Variants in UNC13C observed in about 807,000 individuals in gnomAD.
The protein encoded by UNC13C is unc-13 homolog C.
Under a neutral mutation model 245.4 loss-of-function variants are expected in UNC13C, and 174 were observed. The observed-to-expected ratio is 0.71, with a 90% CI of 0.63 to 0.80. UNC13C has a LOEUF of 0.80. Among genes scored for constraint, UNC13C ranks in the 30% least tolerant of loss-of-function variants. UNC13C has a pLI of 0.00. For missense variants in UNC13C, 2,829 were observed against 2,602.9 expected (o/e 1.09, Z -1.89); for synonymous variants, 992 against 895.1 (o/e 1.11, Z -1.93).
At chr15:53,907,697 A>G in the UNC13C span, among the ~76,000 whole-genome samples, 2 of 152,208 alleles carry the variant, frequency 1.3e-5, no homozygotes, top group African/African-American at 4.8e-5. Context: ...GAACTTTATA[A>G]ATAAAAGTCA....
chr15:54,448,093 T>A (rs887394878), intron 19 of UNC13C, among the ~76,000 whole-genome samples: 10 of 152,294 alleles, frequency 6.6e-5, no homozygotes, highest in East Asian at 5.8e-4. Context: ...TTTGAGTGAG[T>A]TTCTTAATCC....
At chr15:54,531,604 C>G (rs921555598) in intron 25 of UNC13C, among the ~76,000 whole-genome samples, 2 of 151,192 alleles carry the variant, frequency 1.3e-5, no homozygotes, top group Non-Finnish European at 2.9e-5. Flanking sequence ...GTCACAGAAT[C>G]CAAATGAAGA....
intron 4 of UNC13C, among the ~76,000 whole-genome samples, chr15:54,163,503 A>G (rs2033053655): frequency 6.6e-6 from 1 of 152,144 alleles, no homozygotes; most frequent in South Asian, 2.1e-4. Flanking sequence ...TGTCTAAATC[A>G]TTTTTAAACT....
chr15:54,189,492 A>G (rs890848260), intron 4 of UNC13C, among the ~76,000 whole-genome samples: 29 of 152,178 alleles, frequency 1.9e-4, no homozygotes, highest in Admixed American at 7.9e-4. Flanking sequence ...AACTACTTCA[A>G]TAGAAGTTCT....
intron 10 of UNC13C, among the ~76,000 whole-genome samples, chr15:54,293,291 T>C (rs966232247): frequency 7.9e-5 from 12 of 151,916 alleles, no homozygotes; most frequent in Non-Finnish European, 1.6e-4. Context: ...GTGTAGGCAA[T>C]ACTAAGTAGC....
At chr15:54,255,235 G>T (rs1481947995) in intron 8 of UNC13C, among the ~76,000 whole-genome samples, 1 of 152,156 alleles carries the variant, frequency 6.6e-6, no homozygotes, top group Admixed American at 6.5e-5. Context: ...AGGGCTTTCT[G>T]TATCCCAGGG....
chr15:54,142,877 T>G, intron 2 of UNC13C, 141 bp from the exon 3 acceptor site: 1 of 703,536 alleles, frequency 1.4e-6, no homozygotes, highest in South Asian at 1.9e-5. Flanking sequence ...CTTGTACCCT[T>G]GGGCTCAACC....
At chr15:54,543,154 A>T (rs1220700065) in intron 26 of UNC13C, among the ~76,000 whole-genome samples, 2 of 152,000 alleles carry the variant, frequency 1.3e-5, no homozygotes, top group African/African-American at 2.4e-5. Context: ...TCCTTTCCAC[A>T]TTTACTGGTT....
chr15:54,592,476 C>G (rs1355236845), intron 30 of UNC13C, among the ~76,000 whole-genome samples: 3 of 152,140 alleles, frequency 2.0e-5, no homozygotes, highest in African/African-American at 7.2e-5. Context: ...ATTGGGAGCT[C>G]CAGTGTTAGC....
At chr15:53,918,157 C>G in the UNC13C span, among the ~76,000 whole-genome samples, 1 of 152,164 alleles carries the variant, frequency 6.6e-6, no homozygotes, top group African/African-American at 2.4e-5. Flanking sequence ...ACTTTCAACC[C>G]TTTCTTCCCC....
At chr15:54,317,670 A>G (rs1159707551) in intron 13 of UNC13C, among the ~76,000 whole-genome samples, 1 of 152,008 alleles carries the variant, frequency 6.6e-6, no homozygotes, top group African/African-American at 2.4e-5. Flanking sequence ...TGAGGCACAT[A>G]TACTCTGTGG....
chr15:54,569,924 C>T (rs62023986), intron 30 of UNC13C, among the ~76,000 whole-genome samples: 8,317 of 151,980 alleles, frequency 0.055, 355 homozygotes, highest in Admixed American at 0.13. Context: ...CCCTCCTATC[C>T]ACCCTCGCCC....
At chr15:54,185,603 G>A (rs1301286136) in intron 4 of UNC13C, among the ~76,000 whole-genome samples, 1 of 148,474 alleles carries the variant, frequency 6.7e-6, no homozygotes, top group Non-Finnish European at 1.5e-5. Flanking sequence ...TTATTTCTGA[G>A]GGCTCTGTTC....
intron 24 of UNC13C, among the ~76,000 whole-genome samples, chr15:54,524,765 G>A (rs1895372834): frequency 6.6e-6 from 1 of 152,050 alleles, no homozygotes; most frequent in Non-Finnish European, 1.5e-5. Context: ...CCCCAAACTT[G>A]GCTTTATCCT....
chr15:54,140,776 C>T (rs1360591561), intron 2 of UNC13C, among the ~76,000 whole-genome samples: 7 of 152,124 alleles, frequency 4.6e-5, no homozygotes, highest in South Asian at 2.1e-4. Flanking sequence ...TCGCATTTCA[C>T]ATGGATTTTA....
intron 19 of UNC13C, among the ~76,000 whole-genome samples, chr15:54,431,824 G>A (rs2040879229): frequency 6.6e-6 from 1 of 151,532 alleles, no homozygotes; most frequent in South Asian, 2.1e-4. Flanking sequence ...CTACTGCACA[G>A]ATTCTTTCTA....
At chr15:53,969,342 G>C in the UNC13C span, among the ~76,000 whole-genome samples, 23 of 152,230 alleles carry the variant, frequency 1.5e-4, no homozygotes, top group Middle Eastern at 0.017. Flanking sequence ...TCTAACTCAA[G>C]CAGGAATTTG....
intron 4 of UNC13C, among the ~76,000 whole-genome samples, chr15:54,181,093 T>C (rs908628898): frequency 1.3e-5 from 2 of 151,920 alleles, no homozygotes; most frequent in African/African-American, 2.4e-5. Context: ...GAATGGTGTT[T>C]TCTATGTTTT....
At position 54,169,829 on chromosome 15, in the gene UNC13C, T is replaced by C. The variant is rs574106982; in HGVS notation, c.3071+26145T>C. Among the ~76,000 whole-genome samples the C allele has an allele frequency of 3.9e-5, 6 of 152,274 alleles. 1 individual carries two copies. Among genetic ancestry groups the C allele is most frequent in the Non-Finnish European group, 7.4e-5 (5 of 68,002 alleles). Reference sequence around the variant, plus strand: ...TCCCTGGCTCTATAGTTTATATTAGTTCCCCCACCACCCACCTGTTCTGTC... The same window carrying C: ...TCCCTGGCTCTATAGTTTATATTAGCTCCCCCACCACCCACCTGTTCTGTC... On this transcript the variant is annotated intron_variant, in intron 4 of 32. Coordinates refer to ENST00000260323, the MANE Select transcript of UNC13C (RefSeq NM_001080534.3).
Sources: allele counts gnomAD v4.1 joint callset (sites outside exome capture counted in the v4.1 genomes callset), GRCh38; gene constraint gnomAD v4.1.1; transcripts MANE v1.5; gene names NCBI Gene and HGNC (gene_info 2026-07-23, HGNC 2026-07-21).